Variants in TBC1D8 observed in about 807,000 individuals in gnomAD.
TBC1D8 encodes TBC1 domain family member 8.
Under a neutral mutation model 118.8 loss-of-function variants are expected in TBC1D8, and 65 were observed. The ratio of observed to expected loss-of-function variants is 0.55; its 90% confidence interval spans 0.45 to 0.67. The LOEUF (loss-of-function observed/expected upper bound fraction) is 0.67, where lower values mean the gene tolerates loss of function less well. TBC1D8 is among the 30% of genes least tolerant of loss of function. TBC1D8 has a pLI of 0.00. For synonymous variants in TBC1D8, 566 were observed against 595.8 expected (o/e 0.95, Z 0.73); for missense variants, 1,376 against 1,471.2 (o/e 0.94, Z 1.06).
chr2:101,081,226 T>C (rs991667472), intron 2 of TBC1D8, among the ~76,000 whole-genome samples: 3 of 152,196 alleles, frequency 2.0e-5, no homozygotes, highest in Non-Finnish European at 2.9e-5. Context: ...ACATACTCCC[T>C]CCCAAGATGT....
At chr2:101,085,385 A>AG (rs1303210582) in intron 2 of TBC1D8, among the ~76,000 whole-genome samples, 3 of 152,092 alleles carry the variant, frequency 2.0e-5, no homozygotes, top group Admixed American at 1.3e-4. Flanking sequence ...AAGCCAACCT[A>AG]GGGGGGAGAA....
In TBC1D8 at chr2:101,124,675, C is replaced by T. The variant is rs957098895; in HGVS notation, c.127+26452G>A. 2.6e-5 allele frequency among the ~76,000 whole-genome samples: 4 copies of T among 152,146 alleles called. No individual in the cohort carries two copies. The South Asian group carries it at 8.3e-4, about 32-fold the overall frequency. ...ATAAGCCAACCCTGAACTCAGGGACCAGATCAAATGTGACTTTTTCCCCAA... is the reference window on the plus strand; with the variant it reads ...ATAAGCCAACCCTGAACTCAGGGACTAGATCAAATGTGACTTTTTCCCCAA... On this transcript the variant is annotated intron_variant, in intron 1 of 19. Transcript: ENST00000409318.
chr2:101,079,264 G>C (rs1458355581), intron 2 of TBC1D8, among the ~76,000 whole-genome samples: 7 of 152,176 alleles, frequency 4.6e-5, no homozygotes, highest in African/African-American at 1.7e-4. Context: ...TCTCCAGACG[G>C]TTTCCTTGTT....
intron 17 of TBC1D8, among the ~76,000 whole-genome samples, chr2:101,013,179 C>A (rs1196953206): frequency 1.3e-5 from 2 of 152,190 alleles, no homozygotes; most frequent in Non-Finnish European, 2.9e-5. Flanking sequence ...GGCCAAACAA[C>A]TCTCAGAGCA....
At chr2:101,107,687 C>A (rs985429897) in intron 1 of TBC1D8, among the ~76,000 whole-genome samples, 18 of 152,130 alleles carry the variant, frequency 1.2e-4, no homozygotes, top group Admixed American at 5.9e-4. Context: ...GGAACCAGGG[C>A]TCCTTGGAGA....
At chr2:101,148,279 G>A (rs1679400709) in intron 1 of TBC1D8, among the ~76,000 whole-genome samples, 1 of 152,176 alleles carries the variant, frequency 6.6e-6, no homozygotes, top group South Asian at 2.1e-4. Context: ...GAAATGCTGG[G>A]CCTCTACTCC....
chr2:101,049,831 G>A (rs985852201), intron 5 of TBC1D8, among the ~76,000 whole-genome samples: 1 of 151,990 alleles, frequency 6.6e-6, no homozygotes, highest in Non-Finnish European at 1.5e-5. Flanking sequence ...CATGCTACAT[G>A]TCTTTTTTTT....
Position 101,008,053 on chromosome 2 carries a change from C to G in TBC1D8, c.3236G>C (p.Gly1079Ala), listed in dbSNP as rs780754738. The G allele has an allele frequency of 1.2e-6, 2 of 1,613,938 alleles. No homozygotes were observed. Among genetic ancestry groups the G allele is most frequent in the African/African-American group, 1.3e-5 (1 of 75,018 alleles). The change falls in exon 20 of 20, where the codon GGG (glycine) becomes GCG (alanine). Residue 1079 changes from glycine to alanine, a missense_variant. Physicochemically the swap from Gly to Ala is moderately conservative, Grantham distance 60 (BLOSUM62 0). Coordinates refer to ENST00000409318, the MANE Select transcript of TBC1D8 (RefSeq NM_001330348.2). ...TGCCTGGGAGTCCTGGGGCGTCTTC[C>G]CAGTGTCTGCAAAAACCGAGTCCTC... ...SPEDSVFADT[G>A]KTPQDSQAFP...
At chr2:101,047,738 G>C (rs1450477533) in intron 5 of TBC1D8, among the ~76,000 whole-genome samples, 1 of 152,182 alleles carries the variant, frequency 6.6e-6, no homozygotes, top group Non-Finnish European at 1.5e-5. Context: ...GCCAACACCA[G>C]GCCCTTTTTA....
intron 1 of TBC1D8, among the ~76,000 whole-genome samples, chr2:101,135,681 A>T (rs534988911): frequency 6.6e-6 from 1 of 152,366 alleles, no homozygotes; most frequent in East Asian, 1.9e-4. Flanking sequence ...GAGTTCATGG[A>T]AGGGCTGGAA....
At chr2:101,032,161 G>T in intron 11 of TBC1D8, 107 bp downstream of exon 11, 1 of 1,027,312 alleles carries the variant, frequency 9.7e-7, no homozygotes, top group Non-Finnish European at 1.5e-6. Context: ...AAACAGACTA[G>T]CTGAGTGGCA....
Position 101,050,419 on chromosome 2 carries a change from G to A in TBC1D8, c.854C>T (p.Pro285Leu), listed in dbSNP as rs183042779. 54 of 1,613,250 alleles carry A rather than the reference G, an allele frequency of 3.3e-5. No homozygotes were observed. In the East Asian group the frequency reaches 8.9e-4, roughly 27 times the overall value. Reference sequence around the variant, plus strand: ...CTTTCACCTCTTGGTGATCTGGCTCGGCTCCTGCAGATCGGGGTCGAGGTC... The same window carrying A: ...CTTTCACCTCTTGGTGATCTGGCTCAGCTCCTGCAGATCGGGGTCGAGGTC... ...VFDLDPDLQE[P>L]SQITKRDLEA... The change falls in exon 5 of 20, where the codon CCG (proline) becomes CTG (leucine). Residue 285 changes from proline (P) to leucine (L), a missense_variant. Pro to Leu is a moderately conservative substitution (Grantham distance 98). Transcript: ENST00000409318.
chr2:101,104,624 A>T (rs1677076832), intron 1 of TBC1D8, among the ~76,000 whole-genome samples: 2 of 152,258 alleles, frequency 1.3e-5, no homozygotes, highest in Admixed American at 1.3e-4. Flanking sequence ...AGACATCCGT[A>T]TGCAAAGAAA....
At chr2:101,075,724 G>A (rs887308822) in intron 2 of TBC1D8, among the ~76,000 whole-genome samples, 11 of 152,158 alleles carry the variant, frequency 7.2e-5, no homozygotes, top group African/African-American at 2.7e-4. Flanking sequence ...TGAGCTGTGA[G>A]TCAATTAAAC....
intron 3 of TBC1D8, among the ~76,000 whole-genome samples, chr2:101,055,346 A>G (rs1184594482): frequency 6.6e-6 from 1 of 151,786 alleles, no homozygotes; most frequent in East Asian, 2.0e-4. Context: ...CCAAGATTGT[A>G]CCACTGCACT....
chr2:101,037,559 T>A lies in TBC1D8; in HGVS notation c.1425A>T (p.Ser475=), dbSNP rs560386266. The change falls in exon 8 of 20, where the codon TCA becomes TCT. Residue 475 remains serine (S), a synonymous_variant. Coordinates refer to ENST00000409318, the MANE Select transcript of TBC1D8 (RefSeq NM_001330348.2). ...TTCGGGAGTCAGGGCTCTGGCTGCC[T>A]GACTGCTGGAAGGCGGTGACCAGGG... The part of the protein sequence containing the change: ...PDALVTAFQQ[S]GSQSPDSRMS... 1.2e-6 allele frequency: 2 copies of A among 1,612,978 alleles called. No individual in the cohort carries two copies. The highest frequency in any genetic ancestry group is 2.7e-5 in the African/African-American group (2 of 75,042).
chr2:101,045,165 C>T (rs943372038), intron 5 of TBC1D8, among the ~76,000 whole-genome samples: 7 of 152,112 alleles, frequency 4.6e-5, no homozygotes, highest in African/African-American at 1.7e-4. Context: ...TGCAATAATG[C>T]AAGACAACTA....
intron 1 of TBC1D8, among the ~76,000 whole-genome samples, chr2:101,119,021 A>G (rs1221872120): frequency 6.6e-6 from 1 of 152,166 alleles, no homozygotes; most frequent in African/African-American, 2.4e-5. Context: ...GCCCCCCCAA[A>G]AAAAAGACTC....
intron 1 of TBC1D8, among the ~76,000 whole-genome samples, chr2:101,122,056 A>T (rs1266732840): frequency 6.9e-6 from 1 of 144,072 alleles, no homozygotes; most frequent in African/African-American, 2.6e-5. Context: ...TCGCAGTGAG[A>T]CTCCATTTCT....
Sources: gnomAD v4.1 joint callset for allele counts (sites outside exome capture counted in the v4.1 genomes callset) on GRCh38, gnomAD v4.1.1 for gene constraint, MANE v1.5 for transcripts, NCBI Gene and HGNC (gene_info 2026-07-23, HGNC 2026-07-21) for gene names.